The following VNN2 variants were observed in gnomAD, a reference collection of about 807,000 sequenced individuals.
The protein encoded by VNN2 is vanin 2.
A neutral mutation model predicts 43.0 loss-of-function variants in VNN2; 43 were observed. That is an observed-to-expected ratio of 1.00 (90% confidence interval 0.78 to 1.29). The LOEUF (loss-of-function observed/expected upper bound fraction) is 1.29, where lower values mean the gene tolerates loss of function less well. Among genes scored for constraint, VNN2 ranks in the 50% most tolerant of loss-of-function variants. The probability of loss-of-function intolerance (pLI) is 0.00; values close to 1 mark genes in which losing one functional copy is unlikely to be tolerated. For synonymous variants in VNN2, 230 were observed against 224.3 expected (o/e 1.03, Z -0.23); for missense variants, 652 against 619.7 (o/e 1.05, Z -0.55).
chr6:132,750,502 T>TATAC lies in VNN2; in HGVS notation c.1201-638_1201-637insGTAT, dbSNP rs1431084157. ...TAAAAATATTTTGTATATGTGTATA[T>TATAC]ATATATATATATTTTTCCAGGTGTG... is the stretch of plus-strand genomic sequence containing the variant. On this transcript the variant is annotated intron_variant, in intron 5 of 6. Coordinates refer to ENST00000326499, the MANE Select transcript of VNN2 (RefSeq NM_004665.6). 3.2e-4 allele frequency among the ~76,000 whole-genome samples: 44 copies of TATAC among 135,690 alleles called. 4 individuals are homozygous for TATAC. Among genetic ancestry groups the TATAC allele is most frequent in the African/African-American group, 1.2e-3 (44 of 37,516 alleles). 89.0% of individuals were successfully genotyped at this position (135,690 alleles called of 152,430 possible). A position where few individuals can be genotyped will look rare whatever the true frequency, so the allele number is the denominator to read the frequency against.
chr6:132,760,021 G>A (rs1342878360), upstream of VNN2, among the ~76,000 whole-genome samples: 1 of 152,204 alleles, frequency 6.6e-6, no homozygotes, highest in Non-Finnish European at 1.5e-5. Flanking sequence ...GGAATCTGAG[G>A]CATAGAGAGC....
Position 132,755,827 on chromosome 6 carries a change from C to T in VNN2, c.537+16G>A, listed in dbSNP as rs371245171. ...CACAACACGCTCCATTTTACACGTC[C>T]GTCACTCTCTCTTACCTTATGGTAA... On this transcript the variant is annotated intron_variant, in intron 3 of 6. Transcript: ENST00000326499. 9.7e-5 allele frequency: 154 copies of T among 1,594,208 alleles called. 2 individuals are homozygous for T. Among genetic ancestry groups the T allele is most frequent in the African/African-American group, 9.6e-4 (72 of 74,726 alleles).
At chr6:132,759,174 T>C (rs1055528874), upstream of VNN2, among the ~76,000 whole-genome samples, 3 of 152,044 alleles carry the variant, frequency 2.0e-5, no homozygotes, top group Non-Finnish European at 4.4e-5. Context: ...CAGTGGCTCA[T>C]GCCTGTAATC....
In VNN2 at chr6:132,756,015, T is replaced by C; in HGVS notation, c.365A>G (p.Gln122Arg). Residue 122 changes from glutamine (Q) to arginine (R), a missense_variant, in exon 3 of 7, where the codon CAA (glutamine) becomes CGA (arginine). Physicochemically the swap from Gln to Arg is conservative, Grantham distance 43 (BLOSUM62 1). Coordinates refer to ENST00000326499, the MANE Select transcript of VNN2 (RefSeq NM_004665.6). ...DPHRFGHTPV[Q>R]ARLSCLAKDN... ...CTTGGCCAGGCAGCTGAGTCTTGCT[T>C]GTACTGGTGTGTGACCAAATCTAAA... 1 of 1,607,884 alleles carries C rather than the reference T, an allele frequency of 6.2e-7. No homozygotes were observed. Among genetic ancestry groups the C allele is most frequent in the Non-Finnish European group, 8.5e-7 (1 of 1,177,902 alleles).
rs955687201 is a variant in VNN2, at chr6:132,753,111, A to C, written c.538-362T>G. ...ACCCAGGCTGGAGTGCAGTGGCATG[A>C]TTTCGGCTCACTGCAATCTCCACCT... is the stretch of plus-strand genomic sequence containing the variant. On this transcript the variant is annotated intron_variant, in intron 3 of 6. Transcript: ENST00000326499. 7 of 200,636 alleles carry C rather than the reference A, an allele frequency of 3.5e-5. No individual in the cohort carries two copies. In the East Asian group the frequency reaches 9.4e-4, roughly 27 times the overall value. 12.4% of individuals were successfully genotyped at this position (200,636 alleles called of 1,614,324 possible).
rs1004403822 is a variant in VNN2 at position 132,752,823 on chromosome 6, T to C, written c.538-74A>G. 2.2e-5 allele frequency: 33 copies of C among 1,506,970 alleles called. No individual in the cohort carries two copies. The East Asian group carries it at 3.2e-4, about 14-fold the overall frequency. The allele number at this position is 1,506,970 out of a possible 1,614,324, so 93.3% of individuals were successfully genotyped here. On this transcript the variant is annotated intron_variant, in intron 3 of 6. Coordinates refer to ENST00000326499, the MANE Select transcript of VNN2 (RefSeq NM_004665.6). ...AAATGACTCATAAAAACCCTCTAAG[T>C]TGGTAACAGATTTGGCTATGGTCAA...
rs1562243338 is a variant in VNN2, at chr6:132,749,752, C to T, written c.1314G>A (p.Glu438=). 1 of 1,614,076 alleles carries T rather than the reference C, an allele frequency of 6.2e-7. No individual in the cohort carries two copies. The highest frequency in any genetic ancestry group is 8.5e-7 in the Non-Finnish European group (1 of 1,179,986). Residue 438 remains glutamate (E), a synonymous_variant, in exon 6 of 7, where the codon GAG becomes GAA. Transcript: ENST00000326499. ...TAAGTAGCACTTCAGGAAAAACATA[C>T]TCTGTTCCAAATGTGCCACTGAGGG... ...MFSLSGTFGT[E]YVFPEVLLTE... is the part of the protein sequence containing the mutation.
upstream of VNN2, among the ~76,000 whole-genome samples, chr6:132,758,662 G>C (rs34787687): frequency 0.013 from 1,921 of 152,026 alleles, 32 homozygotes; most frequent in African/African-American, 0.042. Context: ...AGACGGGGGG[G>C]AAAATATTAA....
chr6:132,750,817 C>T (rs1780025837), intron 5 of VNN2, among the ~76,000 whole-genome samples: 1 of 152,048 alleles, frequency 6.6e-6, no homozygotes, highest in Admixed American at 6.6e-5. Context: ...GATATGTTGG[C>T]AAACCCACTT....
At chr6:132,755,729 CAAAAA>C in intron 3 of VNN2, 109 bp downstream of exon 3, 1 of 1,171,552 alleles carries the variant, frequency 8.5e-7, no homozygotes, top group Non-Finnish European at 1.2e-6. Context: ...CAAAACAAAA[CAAAAA>C]AACCCTCTAG....
At chr6:132,756,525 A>AC (rs1780488523) in intron 2 of VNN2, among the ~76,000 whole-genome samples, 1 of 151,824 alleles carries the variant, frequency 6.6e-6, no homozygotes, top group South Asian at 2.1e-4. Flanking sequence ...GCCAGCAGTG[A>AC]CCCCCACATT....
chr6:132,751,216 C>T lies in VNN2; in HGVS notation c.1129G>A (p.Glu377Lys). 3 of 1,614,146 alleles carry T rather than the reference C, an allele frequency of 1.9e-6. No individual in the cohort carries two copies. Among genetic ancestry groups the T allele is most frequent in the Non-Finnish European group, 2.5e-6 (3 of 1,180,030 alleles). ...CHLSYRMLQKEENEVYVLGAF... is the reference protein window; with the variant it reads ...CHLSYRMLQKKENEVYVLGAF... ...CCTAGAACGTATACTTCATTCTCTT[C>T]TTTTTGTAACATTCTGTAGCTTAAA... is the stretch of plus-strand genomic sequence containing the variant. Residue 377 changes from glutamate (E) to lysine (K), a missense_variant, in exon 5 of 7, where the codon GAA becomes AAA. Transcript: ENST00000326499.
At chr6:132,744,611 A>T (rs1270269335) in intron 6 of VNN2, 120 bp from the exon 7 acceptor site, 4 of 1,035,728 alleles carry the variant, frequency 3.9e-6, no homozygotes, top group Non-Finnish European at 5.3e-6. Flanking sequence ...ATTTAGGAGG[A>T]TGCAGCAAGT....
chr6:132,755,114 T>G (rs898656419), intron 3 of VNN2, among the ~76,000 whole-genome samples: 3 of 152,146 alleles, frequency 2.0e-5, no homozygotes, highest in African/African-American at 7.2e-5. Context: ...AGGTTAACAG[T>G]GAGCCATGAT....
At chr6:132,753,652 C>T (rs1035137111) in intron 3 of VNN2, 1 of 279,416 alleles carries the variant, frequency 3.6e-6, no homozygotes, top group African/African-American at 2.2e-5. Flanking sequence ...GGCTTTACTA[C>T]TATTTTAAGA....
In VNN2 at chr6:132,752,618, C is replaced by G. The variant is rs1481400829; in HGVS notation, c.669G>C (p.Leu223=). The G allele has an allele frequency of 6.2e-7, 1 of 1,613,994 alleles. No individual in the cohort carries two copies. The highest frequency in any genetic ancestry group is 8.5e-7 in the Non-Finnish European group (1 of 1,180,016). The change falls in exon 4 of 7, where the codon CTG becomes CTC. Residue 223 remains leucine (L), a synonymous_variant. Transcript: ENST00000326499. ...DIFFYDPGVT[L]VKDFHVDTIL... Reference sequence around the variant, plus strand: ...TGGTGTCCACATGGAAATCTTTCACCAGGGTAACACCAGGATCATAGAAGA... The same window carrying G: ...TGGTGTCCACATGGAAATCTTTCACGAGGGTAACACCAGGATCATAGAAGA...
chr6:132,759,438 CAAAAA>C (rs58195059), upstream of VNN2, among the ~76,000 whole-genome samples: 4 of 69,168 alleles, frequency 5.8e-5, no homozygotes, highest in East Asian at 1.4e-3. Flanking sequence ...AACTCCGTCT[CAAAAA>C]AAAAAAAAAA....
chr6:132,751,376 G>A lies in VNN2; in HGVS notation c.969C>T (p.Tyr323=), dbSNP rs370320214. The A allele has an allele frequency of 6.8e-5, 110 of 1,614,048 alleles. No homozygotes were observed. The South Asian group carries it at 1.0e-3, about 15-fold the overall frequency. The change falls in exon 5 of 7, where the codon TAC becomes TAT. Residue 323 remains tyrosine (Y), a synonymous_variant. Coordinates refer to ENST00000326499, the MANE Select transcript of VNN2 (RefSeq NM_004665.6). ...AYPTAVNWNA[Y]ATTIKPFPVQ... ...CTGGAAATGGTTTGATGGTGGTGGC[G>A]TAGGCATTCCAATTAACAGCTGTTG...
At position 132,751,334 on chromosome 6, in the gene VNN2, G is replaced by C; in HGVS notation, c.1011C>G (p.Phe337Leu). The part of the protein sequence containing the change: ...IKPFPVQKNT[F>L]RGFISRDGFN... ...ACCCATCCCTGGAAATAAATCCCCT[G>C]AAAGTGTTTTTCTGTACTGGAAATG... is the stretch of plus-strand genomic sequence containing the variant. Residue 337 changes from phenylalanine (F) to leucine (L), a missense_variant, in exon 5 of 7, where the codon TTC becomes TTG. Phe to Leu is a conservative substitution (Grantham distance 22). Coordinates refer to ENST00000326499, the MANE Select transcript of VNN2 (RefSeq NM_004665.6). 1 of 1,614,104 alleles carries C rather than the reference G, an allele frequency of 6.2e-7. No individual in the cohort carries two copies. The highest frequency in any genetic ancestry group is 8.5e-7 in the Non-Finnish European group (1 of 1,180,002).
Sources: allele counts gnomAD v4.1 joint callset (sites outside exome capture counted in the v4.1 genomes callset), GRCh38; gene constraint gnomAD v4.1.1; transcripts MANE v1.5; gene names NCBI Gene and HGNC (gene_info 2026-07-23, HGNC 2026-07-21).